The following DPP6 variants were observed in gnomAD, a reference collection of about 807,000 sequenced individuals.
DPP6 encodes the protein dipeptidyl peptidase like 6, also known as A-type potassium channel modulatory protein DPP6.
A neutral mutation model predicts 122.6 loss-of-function variants in DPP6; 69 were observed. The ratio of observed to expected loss-of-function variants is 0.56; its 90% CI spans 0.46 to 0.69. The LOEUF (loss-of-function observed/expected upper bound fraction) is 0.69, where lower values mean the gene tolerates loss of function less well. Ranked by LOEUF, DPP6 falls within the 30% of genes least tolerant of loss-of-function variation. The pLI is 0.00. For synonymous variants in DPP6, 418 were observed against 433.1 expected (o/e 0.97, Z 0.43); for missense variants, 928 against 1,116.9 (o/e 0.83, Z 2.41).
At chr7:154,233,489 A>G (rs1219861543) in intron 1 of DPP6, among the ~76,000 whole-genome samples, 1 of 152,228 alleles carries the variant, frequency 6.6e-6, no homozygotes, top group African/African-American at 2.4e-5. Context: ...AAGGTAATCA[A>G]GTTAAAATGA....
chr7:154,560,186 A>T (rs1410025857), intron 4 of DPP6, among the ~76,000 whole-genome samples: 3 of 151,996 alleles, frequency 2.0e-5, no homozygotes, highest in African/African-American at 7.2e-5. Context: ...TTGGGTGGAA[A>T]TTTTTGTAGA....
chr7:153,925,647 G>T (rs1231666638), intron 1 of DPP6, among the ~76,000 whole-genome samples: 1 of 152,032 alleles, frequency 6.6e-6, no homozygotes, highest in East Asian at 1.9e-4. Context: ...GATAAAGGGA[G>T]ATCATCCCAC....
At chr7:153,878,480 T>G in the DPP6 span, among the ~76,000 whole-genome samples, 1 of 152,114 alleles carries the variant, frequency 6.6e-6, no homozygotes, top group Non-Finnish European at 1.5e-5. Context: ...TACAGCTACA[T>G]ACAATATCTC....
intron 7 of DPP6, among the ~76,000 whole-genome samples, chr7:154,678,283 TCTTTC>T (rs1453347653): frequency 1.3e-5 from 2 of 152,200 alleles, no homozygotes; most frequent in African/African-American, 4.8e-5. Flanking sequence ...GAAGCTGTGT[TCTTTC>T]CTTCTTCACA....
At chr7:154,541,297 ATTGTTT>A (rs540346378) in intron 4 of DPP6, among the ~76,000 whole-genome samples, 31 of 151,852 alleles carry the variant, frequency 2.0e-4, no homozygotes, top group Non-Finnish European at 3.2e-4. Context: ...TGCCCAGCTA[ATTGTTT>A]TTGTTTTTGT....
At chr7:154,563,098 T>C (rs913823169) in intron 4 of DPP6, among the ~76,000 whole-genome samples, 3 of 152,212 alleles carry the variant, frequency 2.0e-5, no homozygotes, top group African/African-American at 7.2e-5. Flanking sequence ...AGGCAGTTAA[T>C]ATCTAGATAT....
At chr7:153,941,981 C>G (rs540313535) in intron 1 of DPP6, among the ~76,000 whole-genome samples, 5 of 152,256 alleles carry the variant, frequency 3.3e-5, no homozygotes, top group African/African-American at 1.2e-4. Flanking sequence ...GGGTAGCAAG[C>G]CAAGCACCTC....
intron 19 of DPP6, among the ~76,000 whole-genome samples, chr7:154,873,354 G>T (rs113506748): frequency 6.6e-6 from 1 of 152,150 alleles, no homozygotes; most frequent in Non-Finnish European, 1.5e-5. Context: ...GTGCAGAGGG[G>T]GCCACCTGGA....
intron 1 of DPP6, among the ~76,000 whole-genome samples, chr7:154,384,853 T>C (rs1026496549): frequency 6.6e-6 from 1 of 151,934 alleles, no homozygotes; most frequent in African/African-American, 2.4e-5. Context: ...TTAGGGTACA[T>C]ATAGACAGTG....
chr7:154,368,710 G>A (rs1024857325), intron 1 of DPP6, among the ~76,000 whole-genome samples: 1 of 152,116 alleles, frequency 6.6e-6, no homozygotes, highest in African/African-American at 2.4e-5. Flanking sequence ...TGTTAACATC[G>A]TTCGCAACAG....
intron 1 of DPP6, among the ~76,000 whole-genome samples, chr7:154,026,008 A>AT (rs1191099082): frequency 1.4e-5 from 2 of 144,650 alleles, no homozygotes; most frequent in Admixed American, 7.0e-5. Flanking sequence ...CCCAATAAGA[A>AT]TTTTTTTGGA....
At chr7:154,765,033 A>T (rs1251499199) in intron 8 of DPP6, among the ~76,000 whole-genome samples, 1 of 152,224 alleles carries the variant, frequency 6.6e-6, no homozygotes, top group Non-Finnish European at 1.5e-5. Flanking sequence ...ATTGGGAATT[A>T]GATTTCAACA....
the DPP6 span, among the ~76,000 whole-genome samples, chr7:153,869,465 A>G: frequency 1.4e-3 from 208 of 152,200 alleles, 3 homozygotes; most frequent in African/African-American, 4.1e-3. Flanking sequence ...TCAGAGACTA[A>G]GATTGCAACC....
At chr7:153,863,693 G>A in the DPP6 span, among the ~76,000 whole-genome samples, 1 of 152,218 alleles carries the variant, frequency 6.6e-6, no homozygotes, top group African/African-American at 2.4e-5. Context: ...ACTCCAGGAA[G>A]AAACCTTATG....
chr7:153,811,892 G>T, the DPP6 span, among the ~76,000 whole-genome samples: 1 of 152,064 alleles, frequency 6.6e-6, no homozygotes, highest in Non-Finnish European at 1.5e-5. Context: ...GTTGGGTTTG[G>T]TTTTTGTTAT....
At chr7:153,884,273 T>C (rs534742524), upstream of DPP6, among the ~76,000 whole-genome samples, 8 of 152,316 alleles carry the variant, frequency 5.3e-5, no homozygotes, top group Admixed American at 4.6e-4. Flanking sequence ...TGGTTTTTTG[T>C]CCTCGCAATA....
intron 1 of DPP6, among the ~76,000 whole-genome samples, chr7:154,320,706 G>A (rs752216795): frequency 1.3e-5 from 2 of 152,060 alleles, no homozygotes; most frequent in Non-Finnish European, 2.9e-5. Flanking sequence ...GGCTGGTCTC[G>A]AACTCCTGGC....
At chr7:153,917,339 T>TA (rs1202208172) in intron 1 of DPP6, among the ~76,000 whole-genome samples, 1 of 152,218 alleles carries the variant, frequency 6.6e-6, no homozygotes, top group East Asian at 1.9e-4. Flanking sequence ...TCCTCTTTGC[T>TA]ACGTTTTTCC....
the DPP6 span, among the ~76,000 whole-genome samples, chr7:153,763,958 C>G: frequency 1.3e-5 from 2 of 152,168 alleles, no homozygotes; most frequent in Non-Finnish European, 2.9e-5. Context: ...TTCATGAATT[C>G]ACCTGTGTTA....
Sources: gnomAD v4.1 joint callset for allele counts (sites outside exome capture counted in the v4.1 genomes callset) on GRCh38, gnomAD v4.1.1 for gene constraint, MANE v1.5 for transcripts, NCBI Gene and HGNC (gene_info 2026-07-23, HGNC 2026-07-21) for gene names.